The following CCDC102B variants were observed in gnomAD, a reference collection of about 807,000 sequenced individuals.
The protein encoded by CCDC102B is coiled-coil domain-containing protein 102B.
Under a neutral mutation model 57.4 loss-of-function variants are expected in CCDC102B, and 75 were observed. That is an observed-to-expected ratio of 1.31 (90% CI 1.08 to 1.58). The LOEUF (loss-of-function observed/expected upper bound fraction) is 1.58. CCDC102B is among the 40% of genes most tolerant of loss of function. CCDC102B has a pLI of 0.00. For missense variants in CCDC102B, 636 were observed against 582.6 expected, an observed-to-expected ratio of 1.09 and a Z score of -0.94; for synonymous variants, 206 against 201.9, an observed-to-expected ratio of 1.02 and a Z score of -0.17.
chr18:68,961,430 T>C (rs2050046019), intron 6 of CCDC102B, among the ~76,000 whole-genome samples: 1 of 152,018 alleles, frequency 6.6e-6, no homozygotes, highest in African/African-American at 2.4e-5. Context: ...TTAGGTATTG[T>C]AAAATGTTCA....
chr18:68,857,478 G>T (rs1599579487), intron 4 of CCDC102B, among the ~76,000 whole-genome samples: 1 of 140,972 alleles, frequency 7.1e-6, no homozygotes, highest in Middle Eastern at 3.8e-3. Context: ...AAAAATTATT[G>T]TAGACTTTAT....
chr18:69,040,717 A>G (rs1018859478), intron 7 of CCDC102B, among the ~76,000 whole-genome samples: 2 of 152,030 alleles, frequency 1.3e-5, no homozygotes, highest in Non-Finnish European at 2.9e-5. Flanking sequence ...CTATGTGGCT[A>G]TTGAAGTTGT....
At chr18:68,825,001 C>A (rs1414974345) in intron 1 of CCDC102B, among the ~76,000 whole-genome samples, 3 of 152,138 alleles carry the variant, frequency 2.0e-5, no homozygotes, top group Non-Finnish European at 4.4e-5. Flanking sequence ...GTGAAATACT[C>A]AGGAAAATTC....
chr18:68,734,571 A>T (rs2033042022), intron 2 of CCDC102B, among the ~76,000 whole-genome samples: 2 of 152,036 alleles, frequency 1.3e-5, no homozygotes, highest in South Asian at 4.2e-4. Flanking sequence ...CACAATTTTA[A>T]CTCCGTTTCA....
chr18:68,982,124 T>C (rs2050601368), intron 6 of CCDC102B, among the ~76,000 whole-genome samples: 1 of 151,878 alleles, frequency 6.6e-6, no homozygotes, highest in Admixed American at 6.6e-5. Context: ...TCTGTCAAAG[T>C]CAATTGTTCT....
chr18:68,761,060 A>C (rs1293480202), intron 2 of CCDC102B, among the ~76,000 whole-genome samples: 3 of 152,056 alleles, frequency 2.0e-5, no homozygotes, highest in African/African-American at 7.2e-5. Context: ...CTCTAAATGG[A>C]GGGAGTACAC....
chr18:68,735,054 T>C (rs2033064224), intron 2 of CCDC102B, among the ~76,000 whole-genome samples: 1 of 152,168 alleles, frequency 6.6e-6, no homozygotes, highest in African/African-American at 2.4e-5. Context: ...CATTTTATTA[T>C]TTATTTGTTT....
At chr18:68,825,428 G>T (rs2036868548) in intron 1 of CCDC102B, among the ~76,000 whole-genome samples, 1 of 152,138 alleles carries the variant, frequency 6.6e-6, no homozygotes, top group Admixed American at 6.6e-5. Flanking sequence ...GCCAGGCGGG[G>T]TCTGTAATCC....
chr18:68,988,630 T>C (rs1317374235), intron 6 of CCDC102B, among the ~76,000 whole-genome samples: 1 of 151,848 alleles, frequency 6.6e-6, no homozygotes, highest in Non-Finnish European at 1.5e-5. Flanking sequence ...ATATAATACC[T>C]GAAAAAGAGT....
In CCDC102B at chr18:68,849,661, G is replaced by A. The variant is rs115288796; in HGVS notation, c.936+3240G>A. On this transcript the variant is annotated intron_variant, in intron 4 of 7. Transcript: ENST00000360242. ...ATTATCTGTTACTCAGTGGATAGCT[G>A]CCTTCCAAGTAATTCAGCAGTCCAA... Among the ~76,000 whole-genome samples the A allele has an allele frequency of 4.8e-3, 724 of 152,224 alleles. 6 individuals are homozygous for A. Among genetic ancestry groups the A allele is most frequent in the African/African-American group, 0.017 (698 of 41,546 alleles).
intron 1 of CCDC102B, among the ~76,000 whole-genome samples, chr18:68,833,160 G>T (rs2037217318): frequency 6.6e-6 from 1 of 152,100 alleles, no homozygotes; most frequent in South Asian, 2.1e-4. Context: ...TGGTAGCTCA[G>T]GATTCAAATT....
intron 2 of CCDC102B, among the ~76,000 whole-genome samples, chr18:68,733,233 A>G (rs1427838095): frequency 6.6e-6 from 1 of 152,086 alleles, no homozygotes; most frequent in Non-Finnish European, 1.5e-5. Context: ...GTCGTGGAGA[A>G]TAAGACTGCT....
chr18:68,808,177 A>G (rs1362154255), intron 1 of CCDC102B, among the ~76,000 whole-genome samples: 1 of 152,172 alleles, frequency 6.6e-6, no homozygotes, highest in African/African-American at 2.4e-5. Flanking sequence ...TTCAAGTAAC[A>G]TATCTAAAAT....
rs544936119 is a variant in CCDC102B, at chr18:68,981,580, A to G, written c.1264-29354A>G. Among the ~76,000 whole-genome samples the G allele has an allele frequency of 2.0e-5, 3 of 152,138 alleles. No homozygotes were observed. In the South Asian group the frequency reaches 6.2e-4, roughly 32 times the overall value. ...CAAAAAAACCATGTGTTTAGTTCCTATTTCTCTTTTAGGTGCCAGATATAG... is the reference window on the plus strand; with the variant it reads ...CAAAAAAACCATGTGTTTAGTTCCTGTTTCTCTTTTAGGTGCCAGATATAG... On this transcript the variant is annotated intron_variant, in intron 6 of 7. Transcript: ENST00000360242.
rs114460369 is a variant in CCDC102B at position 69,004,805 on chromosome 18, G to A, written c.1264-6129G>A. On this transcript the variant is annotated intron_variant, in intron 6 of 7. Transcript: ENST00000360242. The stretch of plus-strand genomic sequence containing the variant: ...ATGCATAACACAGTTATTGGCACAC[G>A]GTAGACATTTAGTGAAGGCTTGTGG... Among the ~76,000 whole-genome samples the A allele has an allele frequency of 6.6e-3, 1,009 of 152,128 alleles. 6 individuals are homozygous for A. The highest frequency in any genetic ancestry group is 0.022 in the African/African-American group (928 of 41,496).
Position 68,823,188 on chromosome 18 carries a change from G to T in CCDC102B, c.-15-13561G>T, listed in dbSNP as rs530493271. On this transcript the variant is annotated intron_variant, in intron 1 of 7. Transcript: ENST00000360242. ...TTGTAACCAATTGGAGGCCTCTAAA[G>T]GGTACATATAGGTGTTACCAAATTC... 6.8e-4 allele frequency among the ~76,000 whole-genome samples: 104 copies of T among 152,298 alleles called. 1 individual carries two copies. Among genetic ancestry groups the T allele is most frequent in the Middle Eastern group, 3.4e-3 (1 of 294 alleles).
chr18:68,771,869 TACACAC>T (rs57733183), intron 2 of CCDC102B, among the ~76,000 whole-genome samples: 86 of 142,108 alleles, frequency 6.1e-4, no homozygotes, highest in African/African-American at 2.0e-3. Context: ...TACTCTGAAA[TACACAC>T]ACACACACAC....
intron 5 of CCDC102B, 78 bp from the exon 6 acceptor site, chr18:68,897,141 G>A (rs1006465420): frequency 7.8e-6 from 8 of 1,031,852 alleles, no homozygotes; most frequent in Non-Finnish European, 1.2e-5. Flanking sequence ...TTTCTTAATG[G>A]GAGTCTGGTT....
At chr18:68,726,897 G>A (rs77932791) in intron 2 of CCDC102B, among the ~76,000 whole-genome samples, 2 of 152,254 alleles carry the variant, frequency 1.3e-5, no homozygotes, top group East Asian at 3.9e-4. Context: ...CTAGGACCCT[G>A]TAAAGACTGT....
Sources: gnomAD v4.1 joint callset for allele counts (sites outside exome capture counted in the v4.1 genomes callset) on GRCh38, gnomAD v4.1.1 for gene constraint, MANE v1.5 for transcripts, NCBI Gene and HGNC (gene_info 2026-07-23, HGNC 2026-07-21) for gene names.